SARDH: variants seen among roughly 807,000 people sequenced by gnomAD.
SARDH encodes the protein sarcosine dehydrogenase, also known as sarcosine dehydrogenase, mitochondrial.
A neutral mutation model predicts 109.1 loss-of-function variants in SARDH; 95 were observed. That is an observed-to-expected ratio of 0.87 (90% CI 0.74 to 1.03). The LOEUF is 1.03. SARDH is among the 50% of genes least tolerant of loss of function. The pLI is 0.00. For missense variants in SARDH, 1,267 were observed against 1,287.8 expected, an observed-to-expected ratio of 0.98 and a Z score of 0.25; for synonymous variants, 572 against 534.8, an observed-to-expected ratio of 1.07 and a Z score of -0.96.
At chr9:133,727,732 A>G (rs1832540834) in intron 6 of SARDH, among the ~76,000 whole-genome samples, 2 of 152,294 alleles carry the variant, frequency 1.3e-5, no homozygotes, top group South Asian at 4.1e-4. Flanking sequence ...CCGGTACCAG[A>G]GGCACGCTGG....
At position 133,688,436 on chromosome 9, in the gene SARDH, C is replaced by T. The variant is rs532219215; in HGVS notation, c.2069+1944G>A. Among the ~76,000 whole-genome samples, 6 of 152,194 alleles carry T rather than the reference C, an allele frequency of 3.9e-5. No individual in the cohort carries two copies. The South Asian group carries it at 1.0e-3, about 26-fold the overall frequency. On this transcript the variant is annotated intron_variant, in intron 16 of 20. Coordinates refer to ENST00000439388, the MANE Select transcript of SARDH (RefSeq NM_001134707.2). ...CAACGCCAAACCCTCGCCCGTGAGC[C>T]GCATGGACTCAGCTCATCACTCCCT... is the stretch of plus-strand genomic sequence containing the variant.
intron 6 of SARDH, 63 bp downstream of exon 6, chr9:133,729,702 G>A: frequency 6.8e-7 from 1 of 1,462,378 alleles, no homozygotes; most frequent in Non-Finnish European, 9.4e-7. Flanking sequence ...TTCAAGCTGG[G>A]ATTCAGAGCC....
At chr9:133,663,182 G>A (rs1203122298), downstream of SARDH, among the ~76,000 whole-genome samples, 2 of 152,230 alleles carry the variant, frequency 1.3e-5, no homozygotes, top group South Asian at 2.1e-4. Flanking sequence ...GGGGCTCAAG[G>A]GGAAACTGAG....
intron 7 of SARDH, among the ~76,000 whole-genome samples, chr9:133,717,896 G>A (rs1832187270): frequency 6.6e-6 from 1 of 152,204 alleles, no homozygotes; most frequent in African/African-American, 2.4e-5. Context: ...ACCCAGACCT[G>A]GCACGCTGGT....
At chr9:133,681,685 G>A (rs976749142) in intron 17 of SARDH, among the ~76,000 whole-genome samples, 1 of 152,216 alleles carries the variant, frequency 6.6e-6, no homozygotes, top group African/African-American at 2.4e-5. Flanking sequence ...GGAACGGATC[G>A]TTAAGTTTAG....
At chr9:133,717,243 T>C in intron 8 of SARDH, 83 bp downstream of exon 8, 2 of 1,537,940 alleles carry the variant, frequency 1.3e-6, no homozygotes, top group African/African-American at 1.4e-5. Context: ...TGACACAGGC[T>C]GGTCTCACGG....
Position 133,663,989 on chromosome 9 carries a change from C to G in SARDH, c.2657G>C (p.Gly886Ala). Residue 886 changes from glycine (G) to alanine (A), a missense_variant, in exon 21 of 21, where the codon GGG becomes GCG. Transcript: ENST00000439388. ...CCCCATTCTCTCCAGGGCATAGTCC[C>G]CGCTCTTCACAAAGTCCAGCGAGAC... Reference protein sequence around the residue: ...GPVSLDFVKSGDYALERMGVT... With the variant: ...GPVSLDFVKSADYALERMGVT... The G allele has an allele frequency of 6.2e-7, 1 of 1,614,152 alleles. No individual in the cohort carries two copies.
At chr9:133,736,307 T>C (rs1321891573) in intron 1 of SARDH, among the ~76,000 whole-genome samples, 1 of 152,248 alleles carries the variant, frequency 6.6e-6, no homozygotes, top group African/African-American at 2.4e-5. Flanking sequence ...CAAAATGTTC[T>C]TTTTCTTTTG....
chr9:133,724,183 G>C (rs1832414966), intron 6 of SARDH, among the ~76,000 whole-genome samples: 1 of 151,972 alleles, frequency 6.6e-6, no homozygotes. Context: ...TGGATTCTGG[G>C]GGAAAAAAAG....
Position 133,711,688 on chromosome 9 carries a change from G to A in SARDH, c.1328+931C>T, listed in dbSNP as rs1564280779. Among the ~76,000 whole-genome samples, 3 of 152,342 alleles carry A rather than the reference G, an allele frequency of 2.0e-5. No individual in the cohort carries two copies. In the South Asian group the frequency reaches 6.2e-4, roughly 32 times the overall value. ...AGAGGCGAGGGGCGCACCGAGCTGA[G>A]CCAGGCCTTCTCCCTCCGGAGCCCA... On this transcript the variant is annotated intron_variant, in intron 10 of 20. Coordinates refer to ENST00000439388, the MANE Select transcript of SARDH (RefSeq NM_001134707.2).
At chr9:133,680,009 T>C (rs1830642781) in intron 17 of SARDH, among the ~76,000 whole-genome samples, 2 of 152,214 alleles carry the variant, frequency 1.3e-5, no homozygotes. Flanking sequence ...TATAAATACC[T>C]GGCTCAGGCC....
At chr9:133,730,743 C>T (rs571815349) in intron 4 of SARDH, among the ~76,000 whole-genome samples, 17 of 151,980 alleles carry the variant, frequency 1.1e-4, no homozygotes, top group Admixed American at 1.3e-4. Flanking sequence ...TTTGGGAGGC[C>T]GAGGCCGGTG....
At chr9:133,723,266 A>G (rs923553899) in intron 6 of SARDH, among the ~76,000 whole-genome samples, 1 of 152,228 alleles carries the variant, frequency 6.6e-6, no homozygotes, top group African/African-American at 2.4e-5. Flanking sequence ...GTTTCTTTGA[A>G]GAAATTAAAT....
intron 20 of SARDH, among the ~76,000 whole-genome samples, chr9:133,665,136 G>A (rs1479740147): frequency 2.6e-5 from 4 of 152,124 alleles, no homozygotes; most frequent in African/African-American, 4.8e-5. Context: ...TGATGGAGGG[G>A]GCAGGAGACG....
At chr9:133,698,194 A>G (rs1165984191) in intron 13 of SARDH, among the ~76,000 whole-genome samples, 1 of 152,148 alleles carries the variant, frequency 6.6e-6, no homozygotes, top group Non-Finnish European at 1.5e-5. Context: ...AGATAATAAA[A>G]TGCTTAGGAA....
chr9:133,706,862 A>G (rs927815354), intron 11 of SARDH, among the ~76,000 whole-genome samples: 16 of 151,816 alleles, frequency 1.1e-4, no homozygotes, highest in African/African-American at 3.4e-4. Context: ...CCTCCCCTCC[A>G]CCCCCGAGGC....
intron 6 of SARDH, among the ~76,000 whole-genome samples, chr9:133,726,476 T>C (rs903455997): frequency 4.6e-5 from 7 of 151,922 alleles, no homozygotes; most frequent in Admixed American, 1.3e-4. Context: ...CAGAGTTCCA[T>C]AGAGCAGGAC....
At chr9:133,690,637 G>A in intron 15 of SARDH, 110 bp from the exon 16 acceptor site, 1 of 1,284,112 alleles carries the variant, frequency 7.8e-7, no homozygotes, top group Non-Finnish European at 1.1e-6. Context: ...CCTCTCAGGG[G>A]CCTGTGCCTT....
In SARDH at chr9:133,698,526, T is replaced by C. The variant is rs575319852; in HGVS notation, c.1669-2165A>G. 1.6e-4 allele frequency among the ~76,000 whole-genome samples: 25 copies of C among 152,342 alleles called. No homozygotes were observed. In the South Asian group the frequency reaches 4.8e-3, roughly 29 times the overall value. On this transcript the variant is annotated intron_variant, in intron 13 of 20. Coordinates refer to ENST00000439388, the MANE Select transcript of SARDH (RefSeq NM_001134707.2). Reference sequence around the variant, plus strand: ...ACATTTCTTGATTCCAAACTTGCTATTAAAATACAAAGCCACATAATCAAG... The same window carrying C: ...ACATTTCTTGATTCCAAACTTGCTACTAAAATACAAAGCCACATAATCAAG...
Sources: gnomAD v4.1 joint callset for allele counts (sites outside exome capture counted in the v4.1 genomes callset) on GRCh38, gnomAD v4.1.1 for gene constraint, MANE v1.5 for transcripts, NCBI Gene and HGNC (gene_info 2026-07-23, HGNC 2026-07-21) for gene names.